Variants in DGKG observed in about 807,000 individuals in gnomAD.
DGKG encodes diacylglycerol kinase gamma, also known as DAG kinase gamma.
Under a neutral mutation model 105.3 loss-of-function variants are expected in DGKG, and 78 were observed. That is an observed-to-expected ratio of 0.74 (90% CI 0.62 to 0.89). The LOEUF (loss-of-function observed/expected upper bound fraction) is 0.89, where lower values mean the gene tolerates loss of function less well. DGKG is among the 40% of genes least tolerant of loss of function. DGKG has a pLI of 0.00. For synonymous variants in DGKG, 346 were observed against 367.1 expected (o/e 0.94, Z 0.66); for missense variants, 958 against 1,020.1 (o/e 0.94, Z 0.83).
chr3:186,157,706 C>T (rs778648114), intron 24 of DGKG, among the ~76,000 whole-genome samples: 1 of 152,040 alleles, frequency 6.6e-6, no homozygotes, highest in Non-Finnish European at 1.5e-5. Context: ...TTTTGTTTTA[C>T]AATTTTTTTT....
At chr3:186,194,067 A>C (rs1404682879) in intron 21 of DGKG, among the ~76,000 whole-genome samples, 2 of 152,208 alleles carry the variant, frequency 1.3e-5, no homozygotes, top group Non-Finnish European at 2.9e-5. Context: ...GTCTGAACCC[A>C]GGCCCGGGAG....
intron 20 of DGKG, among the ~76,000 whole-genome samples, chr3:186,222,009 G>T (rs1265739847): frequency 6.6e-6 from 1 of 152,216 alleles, no homozygotes; most frequent in Non-Finnish European, 1.5e-5. Context: ...GCGCTCTTTT[G>T]ATCCTCACGT....
At chr3:186,191,363 A>C (rs184454807) in intron 21 of DGKG, among the ~76,000 whole-genome samples, 145 of 152,246 alleles carry the variant, frequency 9.5e-4, no homozygotes, top group African/African-American at 3.4e-3. Context: ...AATGTACCCT[A>C]TTCTTATTTT....
chr3:186,310,290 C>A (rs79701420), intron 2 of DGKG, among the ~76,000 whole-genome samples: 14,626 of 67,426 alleles, frequency 0.22, 1,294 homozygotes, highest in Non-Finnish European at 0.29. Flanking sequence ...AAAAAAAAAA[C>A]CACACACACA....
intron 19 of DGKG, among the ~76,000 whole-genome samples, chr3:186,250,985 G>A (rs1329705707): frequency 6.6e-6 from 1 of 152,078 alleles, no homozygotes; most frequent in African/African-American, 2.4e-5. Flanking sequence ...AGCCTGGGAA[G>A]CAGTGCCCAC....
chr3:186,257,880 G>C lies in DGKG; in HGVS notation c.1484C>G (p.Thr495Arg). 8.1e-6 allele frequency: 13 copies of C among 1,613,934 alleles called. No individual in the cohort carries two copies. Among genetic ancestry groups the C allele is most frequent in the Non-Finnish European group, 1.1e-5 (13 of 1,179,946 alleles). ...AATGCAATCCAAAATCCAGCCAACT[G>C]TCCCATCTCCACCACAGGCCAAAAC... ...FRVLACGGDG[T>R]VGWILDCIDK... Residue 495 changes from threonine (T) to arginine (R), a missense_variant, in exon 17 of 25, where the codon ACA (threonine) becomes AGA (arginine). Around this residue, in one of 2 missense-constraint regions of DGKG, gnomAD observed 315 missense variants for 400.6 expected, o/e 0.79. Transcript: ENST00000265022.
At chr3:186,345,356 G>T (rs150513305) in intron 1 of DGKG, among the ~76,000 whole-genome samples, 1 of 152,140 alleles carries the variant, frequency 6.6e-6, no homozygotes, top group African/African-American at 2.4e-5. Flanking sequence ...TATTAAAAAT[G>T]AGTGATTTAG....
At chr3:186,171,859 T>C (rs1259633501) in intron 22 of DGKG, among the ~76,000 whole-genome samples, 2 of 152,274 alleles carry the variant, frequency 1.3e-5, no homozygotes, top group Non-Finnish European at 2.9e-5. Context: ...CAGTTGCTTT[T>C]TTTTTTTCCC....
intron 1 of DGKG, among the ~76,000 whole-genome samples, chr3:186,337,745 A>G (rs927986074): frequency 6.6e-6 from 1 of 152,244 alleles, no homozygotes; most frequent in African/African-American, 2.4e-5. Context: ...ATAAATATAA[A>G]TTATTAAGGG....
intron 1 of DGKG, among the ~76,000 whole-genome samples, chr3:186,330,761 C>T (rs1389809014): frequency 3.3e-5 from 5 of 152,306 alleles, no homozygotes; most frequent in African/African-American, 1.2e-4. Flanking sequence ...TGTTGTGAGA[C>T]AAGAAGCCAT....
At position 186,177,968 on chromosome 3, in the gene DGKG, A is replaced by T. The variant is rs146336757; in HGVS notation, c.2095+10234T>A. On this transcript the variant is annotated intron_variant, in intron 22 of 24. Transcript: ENST00000265022. ...GGTATTTGGAGGTAGGCCCTTAGGA[A>T]CATAATCATATTATGAGGGTGGAGT... Among the ~76,000 whole-genome samples, 4 of 152,300 alleles carry T rather than the reference A, an allele frequency of 2.6e-5. No homozygotes were observed. In the East Asian group the frequency reaches 7.7e-4, roughly 29 times the overall value.
At position 186,288,779 on chromosome 3, in the gene DGKG, C is replaced by T. The variant is rs575091932; in HGVS notation, c.475G>A (p.Val159Ile). The T allele has an allele frequency of 9.9e-6, 16 of 1,613,872 alleles. No individual in the cohort carries two copies. In the South Asian group the frequency reaches 1.6e-4, roughly 17 times the overall value. Residue 159 changes from valine to isoleucine, a missense_variant, in exon 6 of 25, where the codon GTA becomes ATA. Val to Ile is a conservative substitution (Grantham distance 29). This residue lies in a region of DGKG where 643 missense variants were observed against 619.5 expected (regional missense o/e 1.04). Coordinates refer to ENST00000265022, the MANE Select transcript of DGKG (RefSeq NM_001346.3). ...PRSSSSESPV[V>I]YLKDVVCYLS... ...TAGCACACAACATCCTTCAGGTATACCACTGGGGATTCCGAGCTTGAAGAC... is the reference window on the plus strand; with the variant it reads ...TAGCACACAACATCCTTCAGGTATATCACTGGGGATTCCGAGCTTGAAGAC...
intron 1 of DGKG, among the ~76,000 whole-genome samples, chr3:186,335,843 A>G (rs1725808294): frequency 6.6e-6 from 1 of 152,232 alleles, no homozygotes; most frequent in African/African-American, 2.4e-5. Context: ...CATTTGTGGC[A>G]GCACTGTTTA....
rs1718974367 is a variant in DGKG, at chr3:186,210,344, G to A, written c.1917+1451C>T. On this transcript the variant is annotated intron_variant, in intron 21 of 24. Transcript: ENST00000265022. This position sits in a 1 kb window ranked among gnomAD's most constrained non-coding sequence, Gnocchi z 5.2. The stretch of plus-strand genomic sequence containing the variant: ...AGCCACACTCGGTTCCCCTGCCAAG[G>A]CCTCTCCTCCTTCCTCAGCTCCCAG... 6.6e-6 allele frequency among the ~76,000 whole-genome samples: 1 copy of A among 152,190 alleles called. No homozygotes were observed. The highest frequency in any genetic ancestry group is 2.1e-4 in the South Asian group (1 of 4,832).
intron 21 of DGKG, among the ~76,000 whole-genome samples, chr3:186,209,844 A>G (rs1209390313): frequency 1.3e-5 from 2 of 152,126 alleles, no homozygotes; most frequent in Admixed American, 1.3e-4. Flanking sequence ...GCCTGCCCCA[A>G]TCCTGAGGGC....
intron 1 of DGKG, among the ~76,000 whole-genome samples, chr3:186,357,624 A>G (rs1218523360): frequency 2.0e-5 from 3 of 152,208 alleles, no homozygotes; most frequent in East Asian, 1.9e-4. Flanking sequence ...ACATAGCCCA[A>G]TGTGGGACTC....
At chr3:186,183,807 C>T (rs1050585283) in intron 22 of DGKG, among the ~76,000 whole-genome samples, 4 of 151,928 alleles carry the variant, frequency 2.6e-5, no homozygotes, top group East Asian at 1.9e-4. Flanking sequence ...CAGGTTCAAG[C>T]GATTGTCCTG....
intron 20 of DGKG, among the ~76,000 whole-genome samples, chr3:186,229,851 C>T (rs571060291): frequency 6.6e-6 from 1 of 152,326 alleles, no homozygotes; most frequent in East Asian, 1.9e-4. Flanking sequence ...TCAGACTCCT[C>T]TCCGAGTGAG....
chr3:186,190,733 G>A (rs976857510), intron 21 of DGKG, among the ~76,000 whole-genome samples: 5 of 152,150 alleles, frequency 3.3e-5, no homozygotes, highest in East Asian at 1.9e-4. Flanking sequence ...CTCTCAGCCC[G>A]TGTTTCCTCT....
Sources: gnomAD v4.1 joint callset for allele counts (sites outside exome capture counted in the v4.1 genomes callset) on GRCh38, gnomAD v4.1.1 for gene constraint, gnomAD v4.1.1 regional missense constraint, Gnocchi (gnomAD v3.1) non-coding constraint, MANE v1.5 for transcripts, NCBI Gene and HGNC (gene_info 2026-07-23, HGNC 2026-07-21) for gene names.